The following AGBL1 variants were observed in gnomAD, a reference collection of about 807,000 sequenced individuals.
AGBL1 encodes the protein AGBL carboxypeptidase 1, also known as cytosolic carboxypeptidase 4.
Under a neutral mutation model 118.9 loss-of-function variants are expected in AGBL1, and 130 were observed. The observed-to-expected ratio is 1.09, with a 90% CI of 0.95 to 1.26. The LOEUF is 1.26. Ranked by LOEUF, AGBL1 falls within the 50% of genes most tolerant of loss-of-function variation. AGBL1 has a pLI of 0.00. For synonymous variants in AGBL1, 555 were observed against 478.9 expected, an observed-to-expected ratio of 1.16 and a Z score of -2.08; for missense variants, 1,584 against 1,298.1, an observed-to-expected ratio of 1.22 and a Z score of -3.38.
At chr15:86,698,649 G>T (rs1420639780) in intron 22 of AGBL1, among the ~76,000 whole-genome samples, 1 of 149,442 alleles carries the variant, frequency 6.7e-6, no homozygotes, top group Non-Finnish European at 1.5e-5. Flanking sequence ...CAGGATTTAT[G>T]GAGGTGACTG....
At chr15:86,519,178 C>T (rs2083156953) in intron 18 of AGBL1, among the ~76,000 whole-genome samples, 2 of 152,156 alleles carry the variant, frequency 1.3e-5, no homozygotes, top group African/African-American at 4.8e-5. Context: ...ATGCTCAAGC[C>T]TCTTATATAA....
chr15:86,335,945 A>G (rs867634317), intron 17 of AGBL1, among the ~76,000 whole-genome samples: 4 of 152,228 alleles, frequency 2.6e-5, no homozygotes, highest in African/African-American at 7.2e-5. Context: ...ATAAGCTTCA[A>G]TCATCAGCAA....
At chr15:86,574,025 G>A (rs771327718) in intron 21 of AGBL1, among the ~76,000 whole-genome samples, 4 of 151,542 alleles carry the variant, frequency 2.6e-5, no homozygotes, top group Non-Finnish European at 4.4e-5. Context: ...AACTACCAGC[G>A]ACCAAACAAA....
At chr15:86,218,306 A>G (rs1334916426) in intron 5 of AGBL1, among the ~76,000 whole-genome samples, 1 of 152,116 alleles carries the variant, frequency 6.6e-6, no homozygotes, top group Non-Finnish European at 1.5e-5. Context: ...TGCATGTTCA[A>G]CTTCTGGGAA....
rs143450870 is a variant in AGBL1 at position 86,848,583 on chromosome 15, C to T, written c.3159-58504C>T. Among the ~76,000 whole-genome samples the T allele has an allele frequency of 6.6e-3, 998 of 152,130 alleles. 4 individuals carry two copies. Among genetic ancestry groups the T allele is most frequent in the Middle Eastern group, 0.014 (4 of 294 alleles). ...CTAAACATAATACTTCAAGTATGGT[C>T]GCAGTCATTCAAGCAGTTGTAACTT... On this transcript the variant is annotated intron_variant, in intron 22 of 22. Transcript: ENST00000614907.
At chr15:86,501,252 C>G (rs1349563349) in intron 18 of AGBL1, among the ~76,000 whole-genome samples, 2 of 151,632 alleles carry the variant, frequency 1.3e-5, no homozygotes, top group Non-Finnish European at 3.0e-5. Flanking sequence ...TACCTAATGA[C>G]TAATGATGTT....
intron 22 of AGBL1, among the ~76,000 whole-genome samples, chr15:86,874,381 G>C (rs1054837086): frequency 1.3e-5 from 2 of 148,924 alleles, no homozygotes; most frequent in Non-Finnish European, 3.0e-5. Context: ...TTGTGGGTGG[G>C]ACACACACAC....
intron 17 of AGBL1, among the ~76,000 whole-genome samples, chr15:86,394,958 G>T (rs915985556): frequency 6.6e-6 from 1 of 152,044 alleles, no homozygotes; most frequent in Non-Finnish European, 1.5e-5. Context: ...CAAAAATCAG[G>T]GTCCTGGTAA....
chr15:86,124,288 C>A (rs1277003515), intron 1 of AGBL1, among the ~76,000 whole-genome samples: 2 of 147,214 alleles, frequency 1.4e-5, no homozygotes, highest in Admixed American at 6.8e-5. Flanking sequence ...TGAGATTGCA[C>A]CACTGCACTA....
chr15:86,966,943 CA>C (rs773019194), intron 23 of AGBL1, among the ~76,000 whole-genome samples: 5 of 152,094 alleles, frequency 3.3e-5, no homozygotes, highest in Non-Finnish European at 7.4e-5. Context: ...GTCCCACCAA[CA>C]GTGTAAAAGT....
chr15:86,617,139 C>G (rs114835131), intron 21 of AGBL1, among the ~76,000 whole-genome samples: 14 of 152,168 alleles, frequency 9.2e-5, no homozygotes, highest in Non-Finnish European at 1.6e-4. Context: ...CCCCTTTGAT[C>G]TGTGATTTCT....
chr15:86,103,859 T>C (rs1192389256), intron 1 of AGBL1, among the ~76,000 whole-genome samples: 1 of 152,198 alleles, frequency 6.6e-6, no homozygotes, highest in Non-Finnish European at 1.5e-5. Flanking sequence ...CTTGCTCAGA[T>C]GCAAGCAATG....
intron 7 of AGBL1, among the ~76,000 whole-genome samples, chr15:86,255,778 TA>T (rs72427538): frequency 6.7e-5 from 10 of 148,762 alleles, no homozygotes; most frequent in Non-Finnish European, 9.0e-5. Flanking sequence ...TGAGACTGTC[TA>T]AAAAAAAAAG....
chr15:86,471,275 A>G (rs1456074346), intron 18 of AGBL1, among the ~76,000 whole-genome samples: 3 of 152,180 alleles, frequency 2.0e-5, no homozygotes, highest in Non-Finnish European at 4.4e-5. Context: ...ATTTTGTCAA[A>G]TGCTTTTTCT....
intron 24 of AGBL1, among the ~76,000 whole-genome samples, chr15:87,004,384 C>T (rs1274041427): frequency 6.6e-6 from 1 of 152,104 alleles, no homozygotes; most frequent in African/African-American, 2.4e-5. Context: ...GTAGTGGGTG[C>T]ATATATATTT....
At chr15:86,856,239 A>C (rs2079477736) in intron 22 of AGBL1, among the ~76,000 whole-genome samples, 1 of 152,076 alleles carries the variant, frequency 6.6e-6, no homozygotes, top group Non-Finnish European at 1.5e-5. Context: ...CTGAGATGTT[A>C]TCTGTGAGTT....
intron 5 of AGBL1, among the ~76,000 whole-genome samples, chr15:86,159,425 A>G (rs561485502): frequency 1.2e-4 from 19 of 152,262 alleles, no homozygotes; most frequent in South Asian, 8.3e-4. Context: ...ATAAATAAAT[A>G]TAATCCTCAA....
chr15:86,545,980 C>T (rs983970772), intron 19 of AGBL1, 22 bp from the exon 20 acceptor site: 1 of 1,607,262 alleles, frequency 6.2e-7, no homozygotes, highest in Admixed American at 1.7e-5. Flanking sequence ...GTTTTATTTT[C>T]TCCTTTGTTG....
At chr15:86,126,750 T>A (rs528219319) in intron 1 of AGBL1, among the ~76,000 whole-genome samples, 62 of 152,218 alleles carry the variant, frequency 4.1e-4, no homozygotes, top group Non-Finnish European at 6.6e-4. Context: ...GAAAGATAAA[T>A]AGGATGCCTA....
Sources: allele counts gnomAD v4.1 joint callset (sites outside exome capture counted in the v4.1 genomes callset), GRCh38; gene constraint gnomAD v4.1.1; transcripts MANE v1.5; gene names NCBI Gene and HGNC (gene_info 2026-07-23, HGNC 2026-07-21).